Variants in CIT observed in about 807,000 individuals in gnomAD.
CIT encodes citron rho-interacting serine/threonine kinase, also known as citron Rho-interacting kinase.
Under a neutral mutation model 272.7 loss-of-function variants are expected in CIT, and 79 were observed. The ratio of observed to expected loss-of-function variants is 0.29; its 90% confidence interval spans 0.24 to 0.35. The LOEUF (loss-of-function observed/expected upper bound fraction) is 0.35. Ranked by LOEUF, CIT falls within the 10% of genes least tolerant of loss-of-function variation. CIT has a pLI of 1.00. For synonymous variants in CIT, 948 were observed against 995.6 expected, an observed-to-expected ratio of 0.95 and a Z score of 0.90; for missense variants, 1,909 against 2,618.3, an observed-to-expected ratio of 0.73 and a Z score of 5.91.
At chr12:119,696,277 C>CT (rs1172414053) in intron 46 of CIT, among the ~76,000 whole-genome samples, 1 of 151,814 alleles carries the variant, frequency 6.6e-6, no homozygotes, top group Admixed American at 6.6e-5. Flanking sequence ...AAGAAGAGGC[C>CT]TTTTTTTGGA....
Position 119,728,561 on chromosome 12 carries a change from G to A in CIT, c.3532C>T (p.Arg1178Ter), listed in dbSNP as rs753671672. Residue 1178 changes from arginine (R) to a stop codon, truncating the protein, a stop_gained, in exon 28 of 48, where the codon CGA becomes TGA. Coordinates refer to ENST00000392521, the MANE Select transcript of CIT (RefSeq NM_001206999.2). LOFTEE classifies it high-confidence loss of function. The surrounding 1 kb of genome is among the most constrained non-coding windows in gnomAD (Gnocchi z 4.3). ...GTCTCCAGCTTCTGCTGTAAGCTTC[G>A]GGCATTCATTTCAAGCATAGCATGC... is the stretch of plus-strand genomic sequence containing the variant. Reference protein sequence around the residue: ...KKHAMLEMNARSLQQKLETER... With the variant: ...KKHAMLEMNA 1 of 1,613,780 alleles carries A rather than the reference G, an allele frequency of 6.2e-7. No individual in the cohort carries two copies. The highest frequency in any genetic ancestry group is 8.5e-7 in the Non-Finnish European group (1 of 1,179,840).
intron 7 of CIT, among the ~76,000 whole-genome samples, chr12:119,828,664 G>A (rs925233531): frequency 1.3e-5 from 2 of 151,910 alleles, no homozygotes; most frequent in African/African-American, 4.8e-5. Flanking sequence ...CTGGGTTCAA[G>A]CAATTCTCCT....
At chr12:119,829,136 T>C (rs1057393762) in intron 7 of CIT, among the ~76,000 whole-genome samples, 16 of 152,034 alleles carry the variant, frequency 1.1e-4, no homozygotes, top group African/African-American at 3.9e-4. Flanking sequence ...CTAACCCCTT[T>C]CCATAAAATG....
rs375583864 is a variant in CIT, at chr12:119,863,588, G to A, written c.238+5472C>T. Among the ~76,000 whole-genome samples the A allele has an allele frequency of 6.6e-5, 10 of 151,884 alleles. No individual in the cohort carries two copies. The East Asian group carries it at 9.7e-4, about 15-fold the overall frequency. ...TGTTGCCAGGCTGGAGTGCAGTGGCGCAATCTTGGCTCACTGCAACCTCTG... is the reference window on the plus strand; with the variant it reads ...TGTTGCCAGGCTGGAGTGCAGTGGCACAATCTTGGCTCACTGCAACCTCTG... On this transcript the variant is annotated intron_variant, in intron 3 of 47. Coordinates refer to ENST00000392521, the MANE Select transcript of CIT (RefSeq NM_001206999.2).
intron 3 of CIT, 90 bp from the exon 4 acceptor site, chr12:119,857,788 T>G: frequency 8.6e-7 from 1 of 1,156,532 alleles, no homozygotes; most frequent in Non-Finnish European, 1.2e-6. Flanking sequence ...AAAATAGCAT[T>G]CGGATAGCTT....
intron 32 of CIT, among the ~76,000 whole-genome samples, chr12:119,714,997 C>T (rs1230363247): frequency 6.6e-6 from 1 of 152,186 alleles, no homozygotes; most frequent in Non-Finnish European, 1.5e-5. Flanking sequence ...TTGCAGCTGC[C>T]ATAATTCCCA....
chr12:119,825,435 C>A (rs1419147163), intron 7 of CIT, 67 bp from the exon 8 acceptor site: 1 of 1,435,932 alleles, frequency 7.0e-7, no homozygotes, highest in Non-Finnish European at 9.7e-7. Flanking sequence ...TGCCAACAGC[C>A]ACATTTCAGA....
Position 119,697,546 on chromosome 12 carries a change from G to T in CIT, c.5882+113C>A. On this transcript the variant is annotated intron_variant, in intron 46 of 47. Coordinates refer to ENST00000392521, the MANE Select transcript of CIT (RefSeq NM_001206999.2). The surrounding 1 kb of genome is among the most constrained non-coding windows in gnomAD (Gnocchi z 4.9). ...GATCGCAAACAAATGAATGGTTTGA[G>T]CTTAAGAACAAAGTGAAGATTGGGA... 8.8e-7 allele frequency: 1 copy of T among 1,130,086 alleles called. No homozygotes were observed. Among genetic ancestry groups the T allele is most frequent in the Non-Finnish European group, 1.3e-6 (1 of 788,990 alleles). 70.0% of individuals were successfully genotyped at this position (1,130,086 alleles called of 1,614,324 possible).
At chr12:119,826,509 C>T (rs1213290290) in intron 7 of CIT, among the ~76,000 whole-genome samples, 1 of 152,148 alleles carries the variant, frequency 6.6e-6, no homozygotes, top group Admixed American at 6.5e-5. Flanking sequence ...CCCTCATACC[C>T]ACCCCTGTCT....
intron 32 of CIT, among the ~76,000 whole-genome samples, chr12:119,717,414 CTTTTCT>C (rs1311827440): frequency 1.1e-3 from 120 of 109,446 alleles, no homozygotes; most frequent in African/African-American, 4.6e-3. Flanking sequence ...TTTTTCTTTT[CTTTTCT>C]TTTTTTTTTT....
intron 9 of CIT, among the ~76,000 whole-genome samples, chr12:119,816,590 G>A (rs186077992): frequency 7.9e-5 from 12 of 152,290 alleles, no homozygotes; most frequent in African/African-American, 2.9e-4. Flanking sequence ...TGACTCAGTA[G>A]GCCTGAGTCT....
intron 12 of CIT, 98 bp downstream of exon 12, chr12:119,783,810 G>T: frequency 1.4e-6 from 2 of 1,401,350 alleles, no homozygotes; most frequent in Non-Finnish European, 1.9e-6. Context: ...CTCTGCCATT[G>T]GCTGTGATGT....
rs188895089 is a variant in CIT at position 119,718,936 on chromosome 12, G to A, written c.3841-75C>T. The A allele has an allele frequency of 1.5e-5, 22 of 1,486,082 alleles. No homozygotes were observed. The East Asian group carries it at 3.9e-4, about 26-fold the overall frequency. 92.1% of individuals were successfully genotyped at this position (1,486,082 alleles called of 1,614,324 possible). ...AAACTAGCTAAAGGAAATCTGACTC[G>A]GGAGGAGCAAACCACAAAAGCCAGG... On this transcript the variant is annotated intron_variant, in intron 30 of 47. Transcript: ENST00000392521. This position sits in a 1 kb window ranked among gnomAD's most constrained non-coding sequence, Gnocchi z 4.8.
chr12:119,723,452 T>C (rs1957912005), intron 28 of CIT, among the ~76,000 whole-genome samples: 3 of 151,528 alleles, frequency 2.0e-5, no homozygotes, highest in Non-Finnish European at 4.4e-5. Context: ...GAAATGTTTT[T>C]CAGAAGCATT....
chr12:119,836,284 T>TAA (rs201559880), intron 5 of CIT, among the ~76,000 whole-genome samples: 4,703 of 41,992 alleles, frequency 0.11, 575 homozygotes, highest in East Asian at 0.19. Flanking sequence ...AGACTCCATC[T>TAA]AAAAAAAAAA....
At chr12:119,815,108 AC>A (rs554194412) in intron 9 of CIT, among the ~76,000 whole-genome samples, 3,597 of 21,392 alleles carry the variant, frequency 0.17, 83 homozygotes, top group East Asian at 0.43. Flanking sequence ...CACACACAAC[AC>A]ACACACACAC....
chr12:119,761,363 G>A (rs907415693), intron 19 of CIT, among the ~76,000 whole-genome samples: 2 of 152,194 alleles, frequency 1.3e-5, no homozygotes, highest in African/African-American at 4.8e-5. Flanking sequence ...AGAATGAGAA[G>A]GGAGGAGGAA....
chr12:119,716,337 C>A (rs912939509), intron 32 of CIT, among the ~76,000 whole-genome samples: 5 of 124,474 alleles, frequency 4.0e-5, no homozygotes, highest in Middle Eastern at 0.014. Context: ...AAGATCACAC[C>A]ACTGCTCTCC....
intron 44 of CIT, chr12:119,699,691 A>AG: frequency 2.4e-6 from 1 of 408,672 alleles, no homozygotes; most frequent in South Asian, 1.7e-5. Flanking sequence ...CATGTTTGTG[A>AG]GCCTGTCTTG....
Sources: gnomAD v4.1 joint callset for allele counts (sites outside exome capture counted in the v4.1 genomes callset) on GRCh38, gnomAD v4.1.1 for gene constraint, Gnocchi (gnomAD v3.1) non-coding constraint, MANE v1.5 for transcripts, NCBI Gene and HGNC (gene_info 2026-07-23, HGNC 2026-07-21) for gene names.